PPM1H: variants seen among roughly 807,000 people sequenced by gnomAD.
PPM1H encodes protein phosphatase 1H.
PPM1H carries 27 observed loss-of-function variants against 54.9 expected under a neutral mutation model. The ratio of observed to expected loss-of-function variants is 0.49; its 90% CI spans 0.36 to 0.68. The LOEUF is 0.68. Among genes scored for constraint, PPM1H ranks in the 30% least tolerant of loss-of-function variants. The pLI, the probability that PPM1H is intolerant of heterozygous loss-of-function variation, is 0.00. For missense variants in PPM1H, 596 were observed against 667.8 expected, an observed-to-expected ratio of 0.89 and a Z score of 1.19; for synonymous variants, 305 against 270.8, an observed-to-expected ratio of 1.13 and a Z score of -1.24.
At chr12:62,910,372 C>G (rs1383236968) in intron 1 of PPM1H, among the ~76,000 whole-genome samples, 1 of 152,064 alleles carries the variant, frequency 6.6e-6, no homozygotes, top group East Asian at 1.9e-4. Context: ...TTTGAATAAC[C>G]TAAAGATTAT....
At chr12:62,803,001 C>T (rs1047232626) in intron 2 of PPM1H, among the ~76,000 whole-genome samples, 1 of 152,158 alleles carries the variant, frequency 6.6e-6, no homozygotes, top group Non-Finnish European at 1.5e-5. Flanking sequence ...ACCCATTTTC[C>T]CCTTTTAGAG....
In PPM1H at chr12:62,884,019, A is replaced by G. The variant is rs562944530; in HGVS notation, c.245+50473T>C. Among the ~76,000 whole-genome samples, 90 of 152,268 alleles carry G rather than the reference A, an allele frequency of 5.9e-4. 1 individual carries two copies. The highest frequency in any genetic ancestry group is 2.2e-3 in the African/African-American group (90 of 41,526). On this transcript the variant is annotated intron_variant, in intron 1 of 9. Coordinates refer to ENST00000228705, the MANE Select transcript of PPM1H (RefSeq NM_020700.2). ...AGATGAGAACAAACAGACAAAAGAG[A>G]TGAGAACAAACAGACAAAAGTCCCA...
intron 1 of PPM1H, among the ~76,000 whole-genome samples, chr12:62,880,150 C>G (rs1870337480): frequency 6.6e-6 from 1 of 152,162 alleles, no homozygotes; most frequent in Admixed American, 6.5e-5. Flanking sequence ...TACATGTATA[C>G]ATATGCATAT....
At chr12:62,835,817 C>A (rs1028283313) in intron 1 of PPM1H, among the ~76,000 whole-genome samples, 4 of 152,156 alleles carry the variant, frequency 2.6e-5, no homozygotes, top group African/African-American at 9.7e-5. Context: ...AGGCCTCATT[C>A]TTCTCAATCT....
intron 8 of PPM1H, among the ~76,000 whole-genome samples, chr12:62,677,112 A>C (rs699562): frequency 0.59 from 90,408 of 151,962 alleles, 29,381 homozygotes; most frequent in African/African-American, 0.88. Flanking sequence ...TTTGGGTCTC[A>C]TCTCCACTGA....
At chr12:62,862,449 G>A (rs991298656) in intron 1 of PPM1H, among the ~76,000 whole-genome samples, 2 of 152,190 alleles carry the variant, frequency 1.3e-5, no homozygotes, top group East Asian at 1.9e-4. Flanking sequence ...AGCATCTATC[G>A]AGTCTTCAAG....
intron 1 of PPM1H, among the ~76,000 whole-genome samples, chr12:62,883,353 C>T (rs556000802): frequency 6.6e-6 from 1 of 152,226 alleles, no homozygotes; most frequent in Non-Finnish European, 1.5e-5. Flanking sequence ...CCATTACCCC[C>T]GGGCTCCATG....
chr12:62,755,868 C>G (rs1456703277), intron 4 of PPM1H: 2 of 787,108 alleles, frequency 2.5e-6, no homozygotes, highest in East Asian at 4.9e-5. Context: ...ACTGGTGCTG[C>G]TAAGGTTGTG....
chr12:62,885,505 T>G (rs534765041), intron 1 of PPM1H, among the ~76,000 whole-genome samples: 6 of 152,180 alleles, frequency 3.9e-5, no homozygotes, highest in Middle Eastern at 6.8e-3. Context: ...CACAGCAAAA[T>G]CCCTTCTACC....
intron 1 of PPM1H, among the ~76,000 whole-genome samples, chr12:62,856,854 T>G (rs924230778): frequency 6.6e-6 from 1 of 152,168 alleles, no homozygotes; most frequent in Non-Finnish European, 1.5e-5. Context: ...TGTGGCTTTT[T>G]GGGTGATCAC....
chr12:62,850,798 T>G (rs1015377950), intron 1 of PPM1H: 1 of 151,620 alleles, frequency 6.6e-6, no homozygotes, highest in Non-Finnish European at 1.5e-5. Flanking sequence ...GTTTCGCACT[T>G]TTGGGGAAAT....
chr12:62,730,829 C>T (rs1024415815), intron 5 of PPM1H, among the ~76,000 whole-genome samples: 4 of 152,196 alleles, frequency 2.6e-5, no homozygotes, highest in East Asian at 3.9e-4. Context: ...CACTGGTGAT[C>T]ACTAACAGTC....
intron 2 of PPM1H, among the ~76,000 whole-genome samples, chr12:62,828,507 G>A (rs1213639428): frequency 6.6e-6 from 1 of 152,006 alleles, no homozygotes; most frequent in Admixed American, 6.6e-5. Flanking sequence ...AACTACCCCG[G>A]CACCCTCAGA....
At chr12:62,707,681 C>T (rs1445706793) in intron 6 of PPM1H, among the ~76,000 whole-genome samples, 1 of 152,144 alleles carries the variant, frequency 6.6e-6, no homozygotes, top group African/African-American at 2.4e-5. Flanking sequence ...GTAGGTAAAC[C>T]TTTGTCTATT....
chr12:62,705,982 C>T (rs930206809), intron 6 of PPM1H, among the ~76,000 whole-genome samples: 1 of 152,212 alleles, frequency 6.6e-6, no homozygotes, highest in Non-Finnish European at 1.5e-5. Flanking sequence ...GGCTTTCCCT[C>T]ACGAAGCTTC....
At chr12:62,721,871 T>C (rs1035287006) in intron 5 of PPM1H, among the ~76,000 whole-genome samples, 2 of 152,202 alleles carry the variant, frequency 1.3e-5, no homozygotes, top group Non-Finnish European at 2.9e-5. Context: ...TAGTGATTAT[T>C]GAATCCTATT....
At chr12:62,705,438 A>G (rs143227943) in intron 6 of PPM1H, among the ~76,000 whole-genome samples, 12 of 152,366 alleles carry the variant, frequency 7.9e-5, no homozygotes, top group Non-Finnish European at 1.5e-4. Context: ...GGAGTAGAAT[A>G]AAGTAAACAA....
At chr12:62,785,395 T>A (rs1008609478) in intron 4 of PPM1H, among the ~76,000 whole-genome samples, 7 of 152,218 alleles carry the variant, frequency 4.6e-5, no homozygotes, top group South Asian at 2.1e-4. Flanking sequence ...TCCAGGATGG[T>A]CTCGATCTCC....
chr12:62,842,420 C>T (rs143388109), intron 1 of PPM1H, among the ~76,000 whole-genome samples: 2 of 152,146 alleles, frequency 1.3e-5, no homozygotes, highest in East Asian at 3.9e-4. Flanking sequence ...AATTTAAAAA[C>T]CCAAACTTTA....
Sources: gnomAD v4.1 joint callset for allele counts (sites outside exome capture counted in the v4.1 genomes callset) on GRCh38, gnomAD v4.1.1 for gene constraint, MANE v1.5 for transcripts, NCBI Gene and HGNC (gene_info 2026-07-23, HGNC 2026-07-21) for gene names.